EPCIP: variants seen among roughly 807,000 people sequenced by gnomAD.
The protein encoded by EPCIP is exosomal polycystin 1 interacting protein.
the EPCIP span, among the ~76,000 whole-genome samples, chr21:32,795,901 A>C: frequency 6.6e-6 from 1 of 152,136 alleles, no homozygotes; most frequent in African/African-American, 2.4e-5. Context: ...GATTCACAGC[A>C]ACTGTGACTG....
chr21:32,799,249 G>T, the EPCIP span, among the ~76,000 whole-genome samples: 4 of 152,308 alleles, frequency 2.6e-5, no homozygotes, highest in Admixed American at 2.6e-4. Flanking sequence ...ACTCCTCTCA[G>T]TCTCAGCAAA....
chr21:32,792,127 C>T, the EPCIP span, among the ~76,000 whole-genome samples: 3 of 152,170 alleles, frequency 2.0e-5, no homozygotes, highest in African/African-American at 7.2e-5. Context: ...TGGTCTCGAA[C>T]TCCCGACCTC....
the EPCIP span, among the ~76,000 whole-genome samples, chr21:32,809,182 C>CGTGCGTGTGTGT: frequency 8.3e-6 from 1 of 121,146 alleles, no homozygotes; most frequent in South Asian, 3.0e-4. Flanking sequence ...TCGAGGGGTG[C>CGTGCGTGTGTGT]GTGTGTGTGT....
At chr21:32,809,279 C>CCTTTCTTTCTTCCTTTCTTTCTTT in the EPCIP span, among the ~76,000 whole-genome samples, 2 of 79,968 alleles carry the variant, frequency 2.5e-5, no homozygotes, top group African/African-American at 9.3e-5. Context: ...CTCCCTCCTT[C>CCTTTCTTTCTTCCTTTCTTTCTTT]CTTTCTTTCT....
At chr21:32,805,408 G>A in the EPCIP span, among the ~76,000 whole-genome samples, 1 of 151,450 alleles carries the variant, frequency 6.6e-6, no homozygotes, top group African/African-American at 2.4e-5. Flanking sequence ...AGGCTGGAGT[G>A]TGGAGTGCAG....
chr21:32,813,095 A>C, the EPCIP span, among the ~76,000 whole-genome samples: 1 of 152,232 alleles, frequency 6.6e-6, no homozygotes, highest in Non-Finnish European at 1.5e-5. Context: ...GCAAAGAAAC[A>C]GTATCAGCCG....
chr21:32,794,608 T>C, the EPCIP span: 1 of 632,206 alleles, frequency 1.6e-6, no homozygotes, highest in Non-Finnish European at 2.7e-6. Flanking sequence ...AACTGTTTCC[T>C]GAGCCACAGG....
chr21:32,808,047 G>GA, the EPCIP span, among the ~76,000 whole-genome samples: 1 of 152,230 alleles, frequency 6.6e-6, no homozygotes, highest in African/African-American at 2.4e-5. Context: ...AGGAAAACAT[G>GA]AGTAGAATTA....
At chr21:32,799,054 C>T in the EPCIP span, 31 of 152,270 alleles carry the variant, frequency 2.0e-4, no homozygotes, top group African/African-American at 6.3e-4. Flanking sequence ...ACTCCTGAGT[C>T]GTACACTCAG....
At chr21:32,811,223 C>T in the EPCIP span, among the ~76,000 whole-genome samples, 3 of 151,926 alleles carry the variant, frequency 2.0e-5, no homozygotes, top group Non-Finnish European at 1.5e-5. Flanking sequence ...CTCTGCATCC[C>T]GGATTCAAGT....
the EPCIP span, among the ~76,000 whole-genome samples, chr21:32,801,820 G>T: frequency 6.6e-6 from 1 of 152,020 alleles, no homozygotes; most frequent in African/African-American, 2.4e-5. Flanking sequence ...TCCAGCCTGG[G>T]CAATAAGAGT....
At chr21:32,805,744 T>C in the EPCIP span, among the ~76,000 whole-genome samples, 1 of 152,190 alleles carries the variant, frequency 6.6e-6, no homozygotes, top group Non-Finnish European at 1.5e-5. Flanking sequence ...CAAACCACCC[T>C]TGTGGACCAA....
At chr21:32,806,438 C>A in the EPCIP span, among the ~76,000 whole-genome samples, 12 of 152,298 alleles carry the variant, frequency 7.9e-5, no homozygotes, top group South Asian at 2.1e-4. Context: ...ATAGGCAAGA[C>A]CCCTGGGGAC....
the EPCIP span, among the ~76,000 whole-genome samples, chr21:32,806,009 T>A: frequency 3.3e-5 from 5 of 152,112 alleles, no homozygotes; most frequent in African/African-American, 1.2e-4. Context: ...GAAGACGATA[T>A]GGGAGGGCCC....
At chr21:32,802,808 G>T in the EPCIP span, among the ~76,000 whole-genome samples, 1 of 152,180 alleles carries the variant, frequency 6.6e-6, no homozygotes, top group Non-Finnish European at 1.5e-5. Context: ...CAAAGCATTT[G>T]TCTCTCTCTG....
the EPCIP span, chr21:32,798,618 T>C: frequency 6.6e-6 from 1 of 152,378 alleles, no homozygotes; most frequent in East Asian, 1.9e-4. Flanking sequence ...TGAGCTATGA[T>C]TGTATCACTG....
At chr21:32,806,711 G>C in the EPCIP span, among the ~76,000 whole-genome samples, 1 of 152,190 alleles carries the variant, frequency 6.6e-6, no homozygotes, top group Admixed American at 6.5e-5. Context: ...TGACTGAAAA[G>C]TAGATATTTT....
chr21:32,808,087 G>T, the EPCIP span, among the ~76,000 whole-genome samples: 4 of 152,228 alleles, frequency 2.6e-5, no homozygotes, highest in South Asian at 4.1e-4. Context: ...ATATTTGTGA[G>T]CATCACGAAG....
chr21:32,794,879 G>A, the EPCIP span, among the ~76,000 whole-genome samples: 8 of 152,268 alleles, frequency 5.3e-5, no homozygotes, highest in East Asian at 3.9e-4. Context: ...AGCATGAAGC[G>A]CCCAAAAACC....
Sources: allele counts gnomAD v4.1 joint callset (sites outside exome capture counted in the v4.1 genomes callset), GRCh38; gene constraint gnomAD v4.1.1; transcripts MANE v1.5; gene names NCBI Gene and HGNC (gene_info 2026-07-23, HGNC 2026-07-21).